CHD9: variants seen among roughly 807,000 people sequenced by gnomAD.
CHD9 encodes ATP-dependent chromatin remodeler CHD9.
A neutral mutation model predicts 316.1 loss-of-function variants in CHD9; 77 were observed. That is an observed-to-expected ratio of 0.24 (90% CI 0.20 to 0.29). The LOEUF (loss-of-function observed/expected upper bound fraction) is 0.29, where lower values mean the gene tolerates loss of function less well. Ranked by LOEUF, CHD9 falls within the 10% of genes least tolerant of loss-of-function variation. The pLI is 1.00. For missense variants in CHD9, 2,763 were observed against 3,438.1 expected, an observed-to-expected ratio of 0.80 and a Z score of 4.91; for synonymous variants, 1,129 against 1,158.3, an observed-to-expected ratio of 0.97 and a Z score of 0.51.
chr16:53,086,573 G>T (rs1300098353), intron 1 of CHD9, among the ~76,000 whole-genome samples: 1 of 152,164 alleles, frequency 6.6e-6, no homozygotes, highest in African/African-American at 2.4e-5. Context: ...AAATGACTTA[G>T]CTTCTCTGAG....
chr16:53,171,739 C>T (rs940834508), intron 2 of CHD9, among the ~76,000 whole-genome samples: 1 of 151,870 alleles, frequency 6.6e-6, no homozygotes, highest in Admixed American at 6.6e-5. Context: ...GTAGTCCCAG[C>T]TGCTCAGGAG....
intron 1 of CHD9, among the ~76,000 whole-genome samples, chr16:53,143,589 A>G (rs1018062825): frequency 4.6e-5 from 7 of 151,940 alleles, no homozygotes; most frequent in East Asian, 1.9e-4. Context: ...GGGTTGCACC[A>G]TGTTAGCCAG....
At chr16:53,241,715 G>C (rs1412154802) in intron 12 of CHD9, among the ~76,000 whole-genome samples, 2 of 152,176 alleles carry the variant, frequency 1.3e-5, no homozygotes, top group Non-Finnish European at 2.9e-5. Context: ...CTTTCAAAAT[G>C]TATCTAGAAC....
rs1446043446 is a variant in CHD9 at position 53,304,086 on chromosome 16, C to A, written c.6080C>A (p.Pro2027His). 13 of 1,614,018 alleles carry A rather than the reference C, an allele frequency of 8.1e-6. No individual in the cohort carries two copies. The highest frequency in any genetic ancestry group is 1.1e-5 in the Non-Finnish European group (13 of 1,179,888). ...TATCAAGTAGCACTTTCTGCTTCTC[C>A]TCTTACCTCTCTACCTAGGCTCCTA... Reference protein sequence around the residue: ...QQYQVALSASPLTSLPRLLDA... With the variant: ...QQYQVALSASHLTSLPRLLDA... Residue 2027 changes from proline (P) to histidine (H), a missense_variant, in exon 31 of 39, where the codon CCT becomes CAT. Pro to His is a moderately conservative substitution (Grantham distance 77). Transcript: ENST00000447540.
chr16:53,226,201 C>A (rs2047638082), intron 4 of CHD9, among the ~76,000 whole-genome samples, 165 bp from the exon 5 acceptor site: 1 of 151,864 alleles, frequency 6.6e-6, no homozygotes, highest in South Asian at 2.1e-4. Flanking sequence ...TGGCAAATGG[C>A]AAATTATAAT....
chr16:53,116,484 G>T (rs2038315209), intron 1 of CHD9, among the ~76,000 whole-genome samples: 1 of 152,204 alleles, frequency 6.6e-6, no homozygotes, highest in Non-Finnish European at 1.5e-5. Flanking sequence ...GATAGAGAGG[G>T]TTCTGCTTTG....
chr16:53,091,171 T>C (rs938292005), intron 1 of CHD9, among the ~76,000 whole-genome samples: 1 of 152,128 alleles, frequency 6.6e-6, no homozygotes, highest in Non-Finnish European at 1.5e-5. Flanking sequence ...GGGTTCAGAG[T>C]GTTCTTGGAA....
At chr16:53,183,227 T>A (rs1161347793) in intron 2 of CHD9, among the ~76,000 whole-genome samples, 2 of 152,246 alleles carry the variant, frequency 1.3e-5, no homozygotes, top group Non-Finnish European at 2.9e-5. Context: ...AAATGTCGTA[T>A]TTGTTTCTTT....
intron 2 of CHD9, among the ~76,000 whole-genome samples, chr16:53,164,448 G>A (rs2042132231): frequency 6.6e-6 from 1 of 151,984 alleles, no homozygotes; most frequent in African/African-American, 2.4e-5. Flanking sequence ...GAGTGATGGT[G>A]TGCACCTGTA....
chr16:53,172,322 A>G (rs892151108), intron 2 of CHD9, among the ~76,000 whole-genome samples: 2 of 152,168 alleles, frequency 1.3e-5, no homozygotes, highest in African/African-American at 2.4e-5. Flanking sequence ...ACTCAACACA[A>G]TTATTTTGAG....
At chr16:53,187,289 C>T (rs1047809389) in intron 2 of CHD9, among the ~76,000 whole-genome samples, 1 of 152,096 alleles carries the variant, frequency 6.6e-6, no homozygotes, top group African/African-American at 2.4e-5. Flanking sequence ...AGGAAGATCA[C>T]TTGAGGCTAG....
chr16:53,116,445 T>A (rs2038310761), intron 1 of CHD9, among the ~76,000 whole-genome samples: 1 of 152,178 alleles, frequency 6.6e-6, no homozygotes, highest in Non-Finnish European at 1.5e-5. Flanking sequence ...AAGAGAAGCA[T>A]CCTCCAGGAG....
intron 4 of CHD9, among the ~76,000 whole-genome samples, chr16:53,224,378 G>A (rs2047480865): frequency 6.6e-6 from 1 of 152,174 alleles, no homozygotes; most frequent in Admixed American, 6.5e-5. Flanking sequence ...CCTAAGTAAT[G>A]TGTAACTATG....
Position 53,157,231 on chromosome 16 carries a change from A to G in CHD9, c.1142A>G (p.Asn381Ser). ...CATTTCAATGATCATGTAGAAACTA[A>G]TGGCTTTTCATCTTTAGAAGAGAAT... The part of the protein sequence containing the change: ...MGHFNDHVET[N>S]GFSSLEENLL... The change falls in exon 2 of 39, where the codon AAT becomes AGT. Residue 381 changes from asparagine to serine, a missense_variant. Asn to Ser is a conservative substitution (Grantham distance 46, BLOSUM62 1). Transcript: ENST00000447540. The G allele has an allele frequency of 6.2e-7, 1 of 1,600,018 alleles. No homozygotes were observed. Among genetic ancestry groups the G allele is most frequent in the South Asian group, 1.1e-5 (1 of 89,356 alleles).
chr16:53,247,319 T>C lies in CHD9; in HGVS notation c.3481T>C (p.Phe1161Leu). ...KGAEEKILGE[F>L]RDTYNPAASD... The stretch of plus-strand genomic sequence containing the variant: ...TGCTGAGGAGAAAATACTTGGAGAA[T>C]TTAGAGATACTTACAATCCAGCTGC... The change falls in exon 16 of 39, where the codon TTT (phenylalanine) becomes CTT (leucine). Residue 1161 changes from phenylalanine (F) to leucine (L), a missense_variant. Physicochemically the swap from Phe to Leu is conservative, Grantham distance 22. Coordinates refer to ENST00000447540, the MANE Select transcript of CHD9 (RefSeq NM_001308319.2). The C allele has an allele frequency of 6.2e-7, 1 of 1,602,552 alleles. No homozygotes were observed. Among genetic ancestry groups the C allele is most frequent in the Middle Eastern group, 1.7e-4 (1 of 6,052 alleles).
At chr16:53,203,972 C>T (rs972864719) in intron 2 of CHD9, among the ~76,000 whole-genome samples, 3 of 135,624 alleles carry the variant, frequency 2.2e-5, no homozygotes, top group South Asian at 2.3e-4. Context: ...TGCAGTGAGC[C>T]GAGATCACAC....
chr16:53,057,396 G>A (rs1270112880), intron 1 of CHD9, among the ~76,000 whole-genome samples: 1 of 151,738 alleles, frequency 6.6e-6, no homozygotes. Context: ...GCTCATGCCT[G>A]TAATCCCAGC....
At chr16:53,130,665 G>C (rs1216211156) in intron 1 of CHD9, among the ~76,000 whole-genome samples, 1 of 151,660 alleles carries the variant, frequency 6.6e-6, no homozygotes, top group Non-Finnish European at 1.5e-5. Context: ...GCCAGCGATT[G>C]GGTCGGCGGC....
chr16:53,227,554 C>A lies in CHD9; in HGVS notation c.2119C>A (p.Pro707Thr). 6.9e-7 allele frequency: 1 copy of A among 1,443,682 alleles called. No homozygotes were observed. Among genetic ancestry groups the A allele is most frequent in the Non-Finnish European group, 9.3e-7 (1 of 1,072,132 alleles). 89.4% of individuals were successfully genotyped at this position (1,443,682 alleles called of 1,614,324 possible). A position where few individuals can be genotyped will look rare whatever the true frequency, so the allele number is the denominator to read the frequency against. ...ACTGATTTTCTTTTCTTAGATATCACCTGGAGTGATGATTGATACAGAAGA... is the reference window on the plus strand; with the variant it reads ...ACTGATTTTCTTTTCTTAGATATCAACTGGAGTGATGATTGATACAGAAGA... ...SSRTVKKEISPGVMIDTEEFF... is the reference protein window; with the variant it reads ...SSRTVKKEISTGVMIDTEEFF... The change falls in exon 7 of 39, where the codon CCT (proline) becomes ACT (threonine). Residue 707 changes from proline to threonine, a missense_variant. This residue lies in a region of CHD9 where 859 missense variants were observed against 890.4 expected (regional missense o/e 0.96). Coordinates refer to ENST00000447540, the MANE Select transcript of CHD9 (RefSeq NM_001308319.2).
Sources: allele counts gnomAD v4.1 joint callset (sites outside exome capture counted in the v4.1 genomes callset), GRCh38; gene constraint gnomAD v4.1.1; regional missense constraint gnomAD v4.1.1; transcripts MANE v1.5; gene names NCBI Gene and HGNC (gene_info 2026-07-23, HGNC 2026-07-21).